The following CFAP161 variants were observed in gnomAD, a reference collection of about 807,000 sequenced individuals.
CFAP161 encodes the protein cilia- and flagella-associated protein 161.
In CFAP161, 25 loss-of-function variants were observed where a neutral mutation model predicts 29.0. The observed-to-expected ratio is 0.86, with a 90% CI of 0.63 to 1.20. CFAP161 has a LOEUF of 1.20. CFAP161 is among the 50% of genes most tolerant of loss of function. The probability of loss-of-function intolerance (pLI) is 0.00; values close to 1 mark genes in which losing one functional copy is unlikely to be tolerated. For synonymous variants in CFAP161, 116 were observed against 137.4 expected, an observed-to-expected ratio of 0.84 and a Z score of 1.09; for missense variants, 367 against 371.9, an observed-to-expected ratio of 0.99 and a Z score of 0.11.
At position 81,136,734 on chromosome 15, in the gene CFAP161, T is replaced by C. The variant is rs773748600; in HGVS notation, c.378T>C (p.Thr126=). The C allele has an allele frequency of 3.7e-6, 6 of 1,613,024 alleles. No individual in the cohort carries two copies. The African/African-American group carries it at 4.0e-5, about 11-fold the overall frequency. ...CCAAGACCCCAATTGGCAGAAACAC[T>C]TTTATCATTTTGAGGTAAAGAGACT... is the stretch of plus-strand genomic sequence containing the variant. The part of the protein sequence containing the change: ...VQAKTPIGRN[T]FIILSVHRDA... Residue 126 remains threonine, a synonymous_variant, in exon 3 of 7, where the codon ACT becomes ACC. Coordinates refer to ENST00000286732, the MANE Select transcript of CFAP161 (RefSeq NM_173528.4).
upstream of CFAP161, chr15:81,134,224 AG>A (rs1267957084): frequency 4.5e-6 from 6 of 1,340,396 alleles, no homozygotes; most frequent in African/African-American, 5.8e-5. Flanking sequence ...ATTGGCCAGC[AG>A]GGTCCCAGAC....
chr15:81,107,174 C>G (rs1036624929), intron 1 of CFAP161, among the ~76,000 whole-genome samples: 3 of 152,226 alleles, frequency 2.0e-5, no homozygotes, highest in Non-Finnish European at 2.9e-5. Context: ...CATTCTTGGT[C>G]TGCTGTCAGA....
chr15:81,118,082 T>C (rs1894522314), intron 1 of CFAP161: 3 of 532,754 alleles, frequency 5.6e-6, no homozygotes, highest in Non-Finnish European at 1.0e-5. Context: ...GGTTCCAAGG[T>C]GCTGATATCT....
intron 1 of CFAP161, among the ~76,000 whole-genome samples, chr15:81,112,621 T>G (rs1415447866): frequency 2.6e-5 from 4 of 152,180 alleles, no homozygotes; most frequent in African/African-American, 9.6e-5. Context: ...TGAAAGACTC[T>G]TATATTTAGA....
intron 5 of CFAP161, 97 bp from the exon 6 acceptor site, chr15:81,147,761 G>C: frequency 1.4e-6 from 1 of 699,256 alleles, no homozygotes; most frequent in East Asian, 2.8e-5. Context: ...TAAATGTATA[G>C]TATAATCCCA....
In CFAP161 at chr15:81,143,755, A is replaced by C; in HGVS notation, c.571A>C (p.Asn191His). 6.2e-7 allele frequency: 1 copy of C among 1,614,122 alleles called. No homozygotes were observed. The highest frequency in any genetic ancestry group is 2.2e-5 in the East Asian group (1 of 44,872). The stretch of plus-strand genomic sequence containing the variant: ...CCTAACAGATGAGGTCTCCCATGTG[A>C]ACTGCTGGCAGGCTGCCTTCCCTGA... The part of the protein sequence containing the change: ...VYLTDEVSHV[N>H]CWQAAFPDPQ... Residue 191 changes from asparagine (N) to histidine (H), a missense_variant, in exon 5 of 7, where the codon AAC (asparagine) becomes CAC (histidine). Coordinates refer to ENST00000286732, the MANE Select transcript of CFAP161 (RefSeq NM_173528.4).
intron 1 of CFAP161, among the ~76,000 whole-genome samples, chr15:81,102,303 G>A (rs528657934): frequency 6.6e-6 from 1 of 152,264 alleles, no homozygotes; most frequent in African/African-American, 2.4e-5. Flanking sequence ...GCCAGTTCCA[G>A]CACAAGACCT....
At chr15:81,104,789 A>C (rs959433699) in intron 1 of CFAP161, among the ~76,000 whole-genome samples, 11 of 152,180 alleles carry the variant, frequency 7.2e-5, no homozygotes, top group Non-Finnish European at 1.3e-4. Flanking sequence ...CATGGGTATA[A>C]AATTTTACAT....
At chr15:81,131,018 T>C (rs114980808), upstream of CFAP161, among the ~76,000 whole-genome samples, 1,089 of 152,062 alleles carry the variant, frequency 7.2e-3, 19 homozygotes, top group African/African-American at 0.025. Flanking sequence ...ATAAGGAAGT[T>C]TGAAATATCT....
chr15:81,123,132 G>T (rs1894597012), intron 1 of CFAP161, among the ~76,000 whole-genome samples: 1 of 152,146 alleles, frequency 6.6e-6, no homozygotes, highest in Non-Finnish European at 1.5e-5. Flanking sequence ...GTCCTGAATG[G>T]TGGTACCTCA....
At chr15:81,133,390 TCTTC>T (rs1334357629), upstream of CFAP161, among the ~76,000 whole-genome samples, 1 of 151,676 alleles carries the variant, frequency 6.6e-6, no homozygotes, top group Non-Finnish European at 1.5e-5. Context: ...TTTTCCACAG[TCTTC>T]CTTAAGTAAT....
At chr15:81,109,047 C>T (rs973123333) in intron 1 of CFAP161, among the ~76,000 whole-genome samples, 3 of 152,136 alleles carry the variant, frequency 2.0e-5, no homozygotes, top group Admixed American at 6.5e-5. Context: ...TGAGCAGGAG[C>T]ATTGTCACGG....
At chr15:81,104,269 G>A (rs1416875486) in intron 1 of CFAP161, among the ~76,000 whole-genome samples, 1 of 152,226 alleles carries the variant, frequency 6.6e-6, no homozygotes, top group Non-Finnish European at 1.5e-5. Flanking sequence ...CTGCCAGGAG[G>A]CATCCACAGA....
chr15:81,131,075 T>TGTTG (rs1894704626), upstream of CFAP161, among the ~76,000 whole-genome samples: 1 of 150,994 alleles, frequency 6.6e-6, no homozygotes, highest in Non-Finnish European at 1.5e-5. Flanking sequence ...GAGCGTATGC[T>TGTTG]GTTGGAAAAA....
At chr15:81,106,846 A>T (rs2663945) in intron 1 of CFAP161, among the ~76,000 whole-genome samples, 3 of 151,930 alleles carry the variant, frequency 2.0e-5, no homozygotes, top group Non-Finnish European at 4.4e-5. Flanking sequence ...CGGGTGGATC[A>T]CTTGAGCCCA....
chr15:81,122,631 A>G, intron 1 of CFAP161, among the ~76,000 whole-genome samples: 1 of 151,786 alleles, frequency 6.6e-6, no homozygotes, highest in East Asian at 1.9e-4. Context: ...AGCTGGGATT[A>G]CAGGCACGCA....
chr15:81,119,794 T>G (rs1416668363), intron 1 of CFAP161, among the ~76,000 whole-genome samples: 1 of 152,158 alleles, frequency 6.6e-6, no homozygotes, highest in East Asian at 1.9e-4. Flanking sequence ...CCAGCCCCCA[T>G]GGTGGTTCAT....
chr15:81,115,330 G>C (rs1227804164), intron 1 of CFAP161, among the ~76,000 whole-genome samples: 7 of 152,136 alleles, frequency 4.6e-5, no homozygotes, highest in Non-Finnish European at 8.8e-5. Context: ...GTTAGGTTTT[G>C]ATGTCTCTGG....
intron 1 of CFAP161, among the ~76,000 whole-genome samples, chr15:81,103,907 G>A (rs529378694): frequency 6.6e-6 from 1 of 152,166 alleles, no homozygotes; most frequent in Non-Finnish European, 1.5e-5. Context: ...TCCGCTGCTT[G>A]GTGAATGGGG....
Sources: allele counts gnomAD v4.1 joint callset (sites outside exome capture counted in the v4.1 genomes callset), GRCh38; gene constraint gnomAD v4.1.1; transcripts MANE v1.5; gene names NCBI Gene and HGNC (gene_info 2026-07-23, HGNC 2026-07-21).